DAB1: variants seen among roughly 807,000 people sequenced by gnomAD.
DAB1 encodes DAB adaptor protein 1.
Under a neutral mutation model 64.6 loss-of-function variants are expected in DAB1, and 15 were observed. The ratio of observed to expected loss-of-function variants is 0.23; its 90% CI spans 0.16 to 0.36. The LOEUF (loss-of-function observed/expected upper bound fraction) is 0.36, where lower values mean the gene tolerates loss of function less well. DAB1 is among the 10% of genes least tolerant of loss of function. The probability of loss-of-function intolerance (pLI) is 1.00; values close to 1 mark genes in which losing one functional copy is unlikely to be tolerated. For missense variants in DAB1, 596 were observed against 706.7 expected, an observed-to-expected ratio of 0.84 and a Z score of 1.78; for synonymous variants, 235 against 251.9, an observed-to-expected ratio of 0.93 and a Z score of 0.64.
chr1:57,641,659 T>A (rs1025576348), intron 7 of DAB1, among the ~76,000 whole-genome samples: 7 of 149,770 alleles, frequency 4.7e-5, no homozygotes, highest in Admixed American at 3.3e-4. Flanking sequence ...GCTGGTTCCT[T>A]TTTTTTTTAT....
chr1:57,266,824 T>C (rs1670622494), intron 2 of DAB1, among the ~76,000 whole-genome samples: 13 of 152,186 alleles, frequency 8.5e-5, no homozygotes, highest in Admixed American at 8.5e-4. Context: ...AATGATACCC[T>C]GTCCCCGATG....
intron 7 of DAB1, among the ~76,000 whole-genome samples, chr1:57,636,812 T>A (rs962918210): frequency 3.3e-5 from 5 of 152,118 alleles, no homozygotes; most frequent in African/African-American, 1.2e-4. Context: ...GAAGTTTGAG[T>A]TGCCAGCAGA....
intron 9 of DAB1, among the ~76,000 whole-genome samples, chr1:57,058,665 C>G (rs1312951002): frequency 2.0e-5 from 3 of 152,158 alleles, no homozygotes; most frequent in Admixed American, 6.5e-5. Context: ...TTAATCTAAA[C>G]TCTCAGAACT....
chr1:57,657,183 A>G (rs901489512), intron 6 of DAB1, among the ~76,000 whole-genome samples: 1 of 152,126 alleles, frequency 6.6e-6, no homozygotes, highest in African/African-American at 2.4e-5. Context: ...AATAATCATC[A>G]ACACATGAGG....
chr1:58,509,086 T>C (rs888098912), intron 2 of DAB1, among the ~76,000 whole-genome samples: 8 of 152,128 alleles, frequency 5.3e-5, no homozygotes, highest in African/African-American at 1.7e-4. Flanking sequence ...TCTTCTCCTG[T>C]ACAAAGACAG....
At chr1:58,299,265 T>C (rs1291056920) in intron 4 of DAB1, among the ~76,000 whole-genome samples, 2 of 152,174 alleles carry the variant, frequency 1.3e-5, no homozygotes, top group East Asian at 3.9e-4. Context: ...AGAAGCCAGA[T>C]TTAAAACTCA....
downstream of DAB1, among the ~76,000 whole-genome samples, chr1:57,822,848 A>G (rs1280374411): frequency 6.6e-6 from 1 of 152,224 alleles, no homozygotes; most frequent in Non-Finnish European, 1.5e-5. Context: ...TTAAAAAATT[A>G]GTGAGATATT....
At chr1:57,329,734 T>C (rs548036857) in intron 1 of DAB1, among the ~76,000 whole-genome samples, 2 of 150,726 alleles carry the variant, frequency 1.3e-5, no homozygotes, top group East Asian at 2.0e-4. Flanking sequence ...TATTTGCAAG[T>C]TGGGTCACAG....
intron 7 of DAB1, among the ~76,000 whole-genome samples, chr1:57,646,751 A>G (rs1174259102): frequency 6.6e-6 from 1 of 152,170 alleles, no homozygotes; most frequent in Non-Finnish European, 1.5e-5. Context: ...CCCATCTCAA[A>G]AAACAAAACA....
chr1:58,011,231 C>G (rs1180108631), intron 5 of DAB1, among the ~76,000 whole-genome samples: 6 of 152,202 alleles, frequency 3.9e-5, no homozygotes, highest in African/African-American at 4.8e-5. Flanking sequence ...AAAATAGTCT[C>G]TACCGGTTTA....
At chr1:58,472,028 C>T (rs1645365211) in intron 3 of DAB1, among the ~76,000 whole-genome samples, 1 of 152,198 alleles carries the variant, frequency 6.6e-6, no homozygotes, top group Non-Finnish European at 1.5e-5. Context: ...GAGTTCCCAA[C>T]ACCTTCTGCT....
chr1:57,895,102 G>A (rs1056345975), intron 5 of DAB1, among the ~76,000 whole-genome samples: 1 of 151,932 alleles, frequency 6.6e-6, no homozygotes, highest in African/African-American at 2.4e-5. Context: ...AGTAGATAGT[G>A]AAGGACTGGT....
At chr1:57,283,528 G>A (rs999851475) in intron 2 of DAB1, among the ~76,000 whole-genome samples, 1 of 152,130 alleles carries the variant, frequency 6.6e-6, no homozygotes, top group Admixed American at 6.6e-5. Context: ...AATCCTCACT[G>A]CAACACTCTA....
At chr1:57,504,381 G>GCA (rs764366380) in intron 7 of DAB1, among the ~76,000 whole-genome samples, 126 of 152,082 alleles carry the variant, frequency 8.3e-4, no homozygotes, top group Non-Finnish European at 1.4e-3. Flanking sequence ...ACACACACAT[G>GCA]CACACACACA....
chr1:57,715,944 C>T (rs3118066), intron 6 of DAB1, among the ~76,000 whole-genome samples: 9,374 of 152,142 alleles, frequency 0.062, 964 homozygotes, highest in African/African-American at 0.21. Context: ...ACAGTCTTGC[C>T]TTGTTGCCCA....
At chr1:58,289,987 C>T (rs943737697) in intron 4 of DAB1, among the ~76,000 whole-genome samples, 2 of 152,136 alleles carry the variant, frequency 1.3e-5, no homozygotes, top group African/African-American at 4.8e-5. Flanking sequence ...AAAGAGAGCC[C>T]TGGACTTGGA....
chr1:57,039,670 T>C (rs1647477301), intron 9 of DAB1, among the ~76,000 whole-genome samples: 1 of 152,180 alleles, frequency 6.6e-6, no homozygotes, highest in African/African-American at 2.4e-5. Flanking sequence ...ATACCTATTT[T>C]AGAACTCAGG....
chr1:58,071,253 GA>G (rs1458867798), intron 5 of DAB1, among the ~76,000 whole-genome samples: 1 of 152,174 alleles, frequency 6.6e-6, no homozygotes, highest in African/African-American at 2.4e-5. Flanking sequence ...GCTGAGGAAG[GA>G]TTCTCTGATG....
intron 2 of DAB1, among the ~76,000 whole-genome samples, chr1:57,278,736 G>A (rs952560087): frequency 2.4e-4 from 37 of 152,182 alleles, no homozygotes; most frequent in African/African-American, 8.7e-4. Context: ...GGGCAAGCAA[G>A]GCGATGTGTT....
Sources: gnomAD v4.1 joint callset for allele counts (sites outside exome capture counted in the v4.1 genomes callset) on GRCh38, gnomAD v4.1.1 for gene constraint, MANE v1.5 for transcripts, NCBI Gene and HGNC (gene_info 2026-07-23, HGNC 2026-07-21) for gene names.